Variants in TGM1 observed in about 807,000 individuals in gnomAD.
The protein encoded by TGM1 is transglutaminase 1.
A neutral mutation model predicts 88.7 loss-of-function variants in TGM1; 63 were observed. The observed-to-expected ratio is 0.71, with a 90% CI of 0.58 to 0.88. TGM1 has a LOEUF of 0.88. Among genes scored for constraint, TGM1 ranks in the 40% least tolerant of loss-of-function variants. The pLI, the probability that TGM1 is intolerant of heterozygous loss-of-function variation, is 0.00. For missense variants in TGM1, 996 were observed against 1,118.0 expected (o/e 0.89, Z 1.56); for synonymous variants, 415 against 431.1 (o/e 0.96, Z 0.46).
intron 7 of TGM1, among the ~76,000 whole-genome samples, 167 bp downstream of exon 7, chr14:24,258,908 G>C (rs2040781198): frequency 6.6e-6 from 1 of 152,146 alleles, no homozygotes; most frequent in Non-Finnish European, 1.5e-5. Flanking sequence ...TTTCCCTTAG[G>C]CCTCTCTCTG....
chr14:24,253,480 C>CAG (rs148602013), intron 14 of TGM1, among the ~76,000 whole-genome samples: 29 of 150,126 alleles, frequency 1.9e-4, no homozygotes, highest in East Asian at 5.8e-4. Context: ...GTGTGTGTGA[C>CAG]AGAGAGAGAG....
chr14:24,253,150 GT>G (rs2139017435), intron 14 of TGM1, among the ~76,000 whole-genome samples: 2 of 152,344 alleles, frequency 1.3e-5, no homozygotes, highest in South Asian at 4.1e-4. Flanking sequence ...GAAGAGCAGA[GT>G]TTGCCCCCTA....
intron 9 of TGM1, among the ~76,000 whole-genome samples, chr14:24,257,080 C>T (rs982761930): frequency 6.6e-6 from 1 of 152,210 alleles, no homozygotes; most frequent in Non-Finnish European, 1.5e-5. Flanking sequence ...GTCCACCCCA[C>T]CACTTCCCAG....
In TGM1 at chr14:24,262,158, G is replaced by A; in HGVS notation, c.195C>T (p.Pro65=). 6.2e-7 allele frequency: 1 copy of A among 1,613,706 alleles called. No homozygotes were observed. Among genetic ancestry groups the A allele is most frequent in the Non-Finnish European group, 8.5e-7 (1 of 1,180,032 alleles). ...NAADDDWGPE[P]SDSRGRGSSS... is the part of the protein sequence containing the mutation. ...TGGACCCTCGACCCCTGGAGTCAGA[G>A]GGTTCAGGTCCCCAGTCGTCATCTG... Residue 65 remains proline (P), a synonymous_variant, in exon 2 of 15, where the codon CCC becomes CCT. Transcript: ENST00000206765.
chr14:24,261,505 G>A (rs2040808267), intron 3 of TGM1, among the ~76,000 whole-genome samples, 190 bp downstream of exon 3: 1 of 152,044 alleles, frequency 6.6e-6, no homozygotes, highest in African/African-American at 2.4e-5. Context: ...GATGGGCTTG[G>A]GAAAAACTGC....
At chr14:24,251,040 A>C (rs191925238) in intron 14 of TGM1, among the ~76,000 whole-genome samples, 40 of 152,018 alleles carry the variant, frequency 2.6e-4, no homozygotes, top group African/African-American at 9.2e-4. Context: ...CTTTTCTACC[A>C]CTTGTTAGCT....
intron 14 of TGM1, 89 bp from the exon 15 acceptor site, chr14:24,249,630 C>T: frequency 8.6e-7 from 1 of 1,166,874 alleles, no homozygotes; most frequent in South Asian, 1.3e-5. Context: ...GAGGAAGAAG[C>T]AGGAGGTGGA....
rs1319123643 is a variant in TGM1, at chr14:24,259,039, G to C, written c.1159+36C>G. ...CTGGCTTTCCTCCCTTCTCCCTGTA[G>C]GGCCCGGGCCACTCCTGTCCCAGTC... On this transcript the variant is annotated intron_variant, in intron 7 of 14. Transcript: ENST00000206765. This position sits in a 1 kb window ranked among gnomAD's most constrained non-coding sequence, Gnocchi z 5.7. 2 of 1,611,982 alleles carry C rather than the reference G, an allele frequency of 1.2e-6. No homozygotes were observed. The highest frequency in any genetic ancestry group is 2.2e-5 in the South Asian group (2 of 90,868).
rs987988055 is a variant in TGM1, at chr14:24,258,315, C to T, written c.1372G>A (p.Val458Met). The part of the protein sequence containing the change: ...LPSGFDGWQV[V>M]DATPQETSSG... ...CTAGTCTCTTGGGGTGTGGCATCCA[C>T]CACCTGCCACCCATCAAAGCCCGAG... The change falls in exon 9 of 15, where the codon GTG becomes ATG. Residue 458 changes from valine to methionine, a missense_variant. Val to Met is a conservative substitution (Grantham distance 21). Coordinates refer to ENST00000206765, the MANE Select transcript of TGM1 (RefSeq NM_000359.3). 3 of 1,613,910 alleles carry T rather than the reference C, an allele frequency of 1.9e-6. No individual in the cohort carries two copies. Among genetic ancestry groups the T allele is most frequent in the Non-Finnish European group, 1.7e-6 (2 of 1,179,916 alleles).
chr14:24,252,417 T>C (rs563779464), intron 14 of TGM1, among the ~76,000 whole-genome samples: 1 of 152,310 alleles, frequency 6.6e-6, no homozygotes, highest in Admixed American at 6.5e-5. Context: ...AAAGGCCTGG[T>C]GGGGCTGCTG....
At chr14:24,253,001 C>G (rs1594565693) in intron 14 of TGM1, among the ~76,000 whole-genome samples, 1 of 152,202 alleles carries the variant, frequency 6.6e-6, no homozygotes. Context: ...CAGGGGCTTG[C>G]CCAGCCCAGG....
rs777683020 is a variant in TGM1, at chr14:24,259,189, C to G, written c.1045G>C (p.Gly349Arg). 1 of 1,613,980 alleles carries G rather than the reference C, an allele frequency of 6.2e-7. No homozygotes were observed. The highest frequency in any genetic ancestry group is 8.5e-7 in the Non-Finnish European group (1 of 1,180,012). The change falls in exon 7 of 15, where the codon GGC becomes CGC. Residue 349 changes from glycine to arginine, a missense_variant. Transcript: ENST00000206765. This position sits in a 1 kb window ranked among gnomAD's most constrained non-coding sequence, Gnocchi z 5.7. Reference sequence around the variant, plus strand: ...CCCACCCACGCTGATGGGTTGGTGCCTCGGGAGTAATCACCAGACCAGTTC... The same window carrying G: ...CCCACCCACGCTGATGGGTTGGTGCGTCGGGAGTAATCACCAGACCAGTTC... ...IGNWSGDYSR[G>R]TNPSAWVGSV...
intron 14 of TGM1, among the ~76,000 whole-genome samples, chr14:24,253,281 A>C (rs1425308105): frequency 6.6e-6 from 1 of 152,230 alleles, no homozygotes; most frequent in African/African-American, 2.4e-5. Flanking sequence ...CAAGCAGTGC[A>C]CTAAACAACC....
Position 24,255,154 on chromosome 14 carries a change from T to A in TGM1, c.1745A>T (p.Gln582Leu). The A allele has an allele frequency of 1.8e-5, 29 of 1,614,094 alleles. No homozygotes were observed. Among genetic ancestry groups the A allele is most frequent in the Non-Finnish European group, 2.5e-5 (29 of 1,180,030 alleles). Reference protein sequence around the residue: ...NRGSAEDVAMQVEAQDAVMGQ... With the variant: ...NRGSAEDVAMLVEAQDAVMGQ... The stretch of plus-strand genomic sequence containing the variant: ...CATCACCGCGTCCTGTGCCTCCACC[T>A]GCATGGCCACATCCTCCGCTGAGCC... The change falls in exon 12 of 15, where the codon CAG (glutamine) becomes CTG (leucine). Residue 582 changes from glutamine (Q) to leucine (L), a missense_variant. Gln to Leu is a moderately radical substitution (Grantham distance 113). Transcript: ENST00000206765. This position sits in a 1 kb window ranked among gnomAD's most constrained non-coding sequence, Gnocchi z 4.0.
chr14:24,259,079 G>T lies in TGM1; in HGVS notation c.1155C>A (p.Thr385=), dbSNP rs571513690. 5.0e-6 allele frequency: 8 copies of T among 1,613,978 alleles called. No individual in the cohort carries two copies. The African/African-American group carries it at 9.3e-5, about 19-fold the overall frequency. Residue 385 remains threonine (T), a synonymous_variant, in exon 7 of 15, where the codon ACC becomes ACA. Coordinates refer to ENST00000206765, the MANE Select transcript of TGM1 (RefSeq NM_000359.3). This position sits in a 1 kb window ranked among gnomAD's most constrained non-coding sequence, Gnocchi z 5.7. ...GQCWVFAGVT[T]TVLRCLGLAT... ...CTGTCCCAGTCCCTCCACTACCTGT[G>T]GTGGTCACGCCAGCAAAGACCCAGC...
At position 24,261,759 on chromosome 14, in the gene TGM1, A is replaced by G; in HGVS notation, c.444T>C (p.His148=). 1 of 1,614,080 alleles carries G rather than the reference A, an allele frequency of 6.2e-7. No individual in the cohort carries two copies. Among genetic ancestry groups the G allele is most frequent in the South Asian group, 1.1e-5 (1 of 91,070 alleles). ...AGGTCCGGGACAGGAGGAGGAGCAT[A>G]TGGAAAGGCTGCCCGCGGCGCACTA... The part of the protein sequence containing the change: ...ELIVRRGQPF[H]MLLLLSRTYE... Residue 148 remains histidine (H), a synonymous_variant, in exon 3 of 15, where the codon CAT becomes CAC. Transcript: ENST00000206765.
chr14:24,256,137 C>A, intron 9 of TGM1, 60 bp from the exon 10 acceptor site: 2 of 1,423,582 alleles, frequency 1.4e-6, no homozygotes, highest in Non-Finnish European at 1.9e-6. Context: ...GCTCTTCAGA[C>A]CCTGGGTAAG....
At position 24,254,111 on chromosome 14, in the gene TGM1, G is replaced by T. The variant is rs201042343; in HGVS notation, c.2225+41C>A. On this transcript the variant is annotated intron_variant, in intron 14 of 14. Transcript: ENST00000206765. ...GGAGCCAGGGCAGCCTGTGGGGAAG[G>T]CCAGAGTGGAAGCAGGGGTAGGGGG... The T allele has an allele frequency of 1.1e-5, 17 of 1,590,498 alleles. No homozygotes were observed. The East Asian group carries it at 1.6e-4, about 15-fold the overall frequency.
chr14:24,259,298 A>C lies in TGM1; in HGVS notation c.985-49T>G, dbSNP rs762272137. The C allele has an allele frequency of 5.1e-6, 8 of 1,558,162 alleles. No homozygotes were observed. On this transcript the variant is annotated intron_variant, in intron 6 of 14. Transcript: ENST00000206765. The surrounding 1 kb of genome is among the most constrained non-coding windows in gnomAD (Gnocchi z 5.7). ...GGCGGAGGTGGAGGAGGGGCTCAGG[A>C]CCTGCCATGTGGTCCATGGGGACCA... is the stretch of plus-strand genomic sequence containing the variant.
Sources: allele counts gnomAD v4.1 joint callset (sites outside exome capture counted in the v4.1 genomes callset), GRCh38; gene constraint gnomAD v4.1.1; non-coding constraint Gnocchi (gnomAD v3.1); transcripts MANE v1.5; gene names NCBI Gene and HGNC (gene_info 2026-07-23, HGNC 2026-07-21).